The following RIMS1 variants were observed in gnomAD, a reference collection of about 807,000 sequenced individuals.
RIMS1 encodes the protein regulating synaptic membrane exocytosis 1.
Under a neutral mutation model 214.1 loss-of-function variants are expected in RIMS1, and 83 were observed. The ratio of observed to expected loss-of-function variants is 0.39; its 90% CI spans 0.32 to 0.47. The LOEUF (loss-of-function observed/expected upper bound fraction) is 0.47. Among genes scored for constraint, RIMS1 ranks in the 20% least tolerant of loss-of-function variants. The pLI, the probability that RIMS1 is intolerant of heterozygous loss-of-function variation, is 0.99. For synonymous variants in RIMS1, 793 were observed against 786.8 expected, an observed-to-expected ratio of 1.01 and a Z score of -0.13; for missense variants, 2,050 against 2,161.8, an observed-to-expected ratio of 0.95 and a Z score of 1.03.
chr6:72,025,876 G>A (rs1816288445), intron 2 of RIMS1, among the ~76,000 whole-genome samples: 1 of 152,170 alleles, frequency 6.6e-6, no homozygotes, highest in South Asian at 2.1e-4. Context: ...CTTCCAAAGT[G>A]ATTCACTGAT....
intron 1 of RIMS1, among the ~76,000 whole-genome samples, chr6:71,892,112 A>G (rs1770081330): frequency 6.6e-6 from 1 of 152,184 alleles, no homozygotes; most frequent in Non-Finnish European, 1.5e-5. Context: ...CAGCTAGCAT[A>G]ATGAATCCAG....
intron 6 of RIMS1, among the ~76,000 whole-genome samples, chr6:72,224,869 A>T (rs548972156): frequency 1.3e-5 from 2 of 152,324 alleles, no homozygotes; most frequent in East Asian, 3.9e-4. Context: ...TAGACCAGTG[A>T]CTGCAATGTT....
intron 29 of RIMS1, among the ~76,000 whole-genome samples, chr6:72,383,335 A>G (rs2098526211): frequency 6.6e-6 from 1 of 152,166 alleles, no homozygotes; most frequent in Non-Finnish European, 1.5e-5. Flanking sequence ...TTACATATAC[A>G]GTATTGGGGC....
At chr6:72,275,848 G>GT (rs2086112535) in intron 23 of RIMS1, among the ~76,000 whole-genome samples, 1 of 152,100 alleles carries the variant, frequency 6.6e-6, no homozygotes, top group African/African-American at 2.4e-5. Context: ...AAATGGCTAG[G>GT]TCACAACAGT....
chr6:72,204,621 C>T (rs2052594282), intron 6 of RIMS1, among the ~76,000 whole-genome samples: 1 of 152,156 alleles, frequency 6.6e-6, no homozygotes, highest in Non-Finnish European at 1.5e-5. Context: ...CAATTTTATT[C>T]TTAATGTTTG....
intron 29 of RIMS1, among the ~76,000 whole-genome samples, chr6:72,378,497 A>T (rs1055314060): frequency 6.6e-6 from 1 of 152,208 alleles, no homozygotes; most frequent in Non-Finnish European, 1.5e-5. Context: ...TAAGAACTTC[A>T]TACATGTGTG....
At chr6:72,010,473 T>C (rs1452218157) in intron 2 of RIMS1, among the ~76,000 whole-genome samples, 1 of 152,190 alleles carries the variant, frequency 6.6e-6, no homozygotes, top group Non-Finnish European at 1.5e-5. Context: ...TTGGAAGTTC[T>C]GGCCAGGGCA....
At chr6:72,354,875 A>G (rs1284956125) in intron 29 of RIMS1, among the ~76,000 whole-genome samples, 1 of 152,190 alleles carries the variant, frequency 6.6e-6, no homozygotes, top group African/African-American at 2.4e-5. Context: ...TTGCTACTTT[A>G]TACATAAAAC....
At chr6:72,202,810 G>A (rs1485199443) in intron 6 of RIMS1, among the ~76,000 whole-genome samples, 3 of 135,748 alleles carry the variant, frequency 2.2e-5, no homozygotes, top group Non-Finnish European at 4.7e-5. Flanking sequence ...GCCAGAGACT[G>A]ATAACCCAGG....
intron 1 of RIMS1, among the ~76,000 whole-genome samples, chr6:71,940,957 A>G (rs1785919034): frequency 6.6e-6 from 1 of 152,190 alleles, no homozygotes. Context: ...TTTTTTAAGT[A>G]AATGCTTTGA....
intron 27 of RIMS1, among the ~76,000 whole-genome samples, chr6:72,310,994 T>A (rs2095482307): frequency 6.6e-6 from 1 of 152,122 alleles, no homozygotes; most frequent in South Asian, 2.1e-4. Flanking sequence ...AAAGATGGCT[T>A]AAGTAAAGCC....
chr6:71,959,369 G>A (rs1393863008), intron 1 of RIMS1, among the ~76,000 whole-genome samples: 3 of 152,054 alleles, frequency 2.0e-5, no homozygotes, highest in Non-Finnish European at 4.4e-5. Context: ...ACCATTGTGG[G>A]ACCTCTCAGT....
At chr6:72,198,323 A>G (rs1323829090) in intron 6 of RIMS1, among the ~76,000 whole-genome samples, 2 of 94,742 alleles carry the variant, frequency 2.1e-5, no homozygotes, top group African/African-American at 4.8e-5. Flanking sequence ...ACTGGAGGTT[A>G]TTATGAAATA....
At chr6:71,903,838 G>A (rs1562160015) in intron 1 of RIMS1, among the ~76,000 whole-genome samples, 3 of 151,876 alleles carry the variant, frequency 2.0e-5, no homozygotes, top group African/African-American at 7.3e-5. Flanking sequence ...TAAGTTTTGA[G>A]TTTCCATGTT....
chr6:72,318,643 C>T (rs530683114), intron 28 of RIMS1, among the ~76,000 whole-genome samples: 1 of 152,166 alleles, frequency 6.6e-6, no homozygotes, highest in Non-Finnish European at 1.5e-5. Context: ...CATTCTGGAT[C>T]ATTCTCCTCT....
chr6:72,165,945 G>A (rs1314950521), intron 4 of RIMS1, among the ~76,000 whole-genome samples: 1 of 152,122 alleles, frequency 6.6e-6, no homozygotes, highest in African/African-American at 2.4e-5. Flanking sequence ...ATTAAATATG[G>A]TATATGTCTG....
chr6:72,367,774 CCTTTCTTACTT>C (rs1256119226), intron 29 of RIMS1, among the ~76,000 whole-genome samples: 6 of 152,214 alleles, frequency 3.9e-5, no homozygotes, highest in Admixed American at 1.3e-4. Flanking sequence ...TCAGTAACTT[CCTTTCTTACTT>C]CTTTCTAAAA....
intron 2 of RIMS1, among the ~76,000 whole-genome samples, chr6:72,013,812 T>C (rs951181915): frequency 4.6e-5 from 7 of 152,200 alleles, no homozygotes; most frequent in Admixed American, 6.6e-5. Context: ...TGTGCAACCT[T>C]CACCACTATG....
intron 4 of RIMS1, among the ~76,000 whole-genome samples, chr6:72,165,687 A>T (rs985404696): frequency 2.6e-5 from 4 of 152,172 alleles, no homozygotes; most frequent in Non-Finnish European, 5.9e-5. Flanking sequence ...ATTTTAATTC[A>T]ATCAGAGATT....
Sources: allele counts gnomAD v4.1 joint callset (sites outside exome capture counted in the v4.1 genomes callset), GRCh38; gene constraint gnomAD v4.1.1; transcripts MANE v1.5; gene names NCBI Gene and HGNC (gene_info 2026-07-23, HGNC 2026-07-21).